The following VRK2 variants were observed in gnomAD, a reference collection of about 807,000 sequenced individuals.
VRK2 encodes the protein VRK serine/threonine kinase 2.
Under a neutral mutation model 57.6 loss-of-function variants are expected in VRK2, and 60 were observed. The observed-to-expected ratio is 1.04, with a 90% CI of 0.85 to 1.29. The LOEUF (loss-of-function observed/expected upper bound fraction) is 1.29, where lower values mean the gene tolerates loss of function less well. VRK2 is among the 50% of genes most tolerant of loss of function. VRK2 has a pLI of 0.00. For missense variants in VRK2, 705 were observed against 588.1 expected (o/e 1.20, Z -2.06); for synonymous variants, 231 against 199.2 (o/e 1.16, Z -1.35).
chr2:58,078,926 G>A (rs554349278), intron 2 of VRK2, among the ~76,000 whole-genome samples: 5 of 152,156 alleles, frequency 3.3e-5, no homozygotes, highest in East Asian at 3.9e-4. Context: ...TGCCTGCCTC[G>A]GCCTCCCAAG....
intron 1 of VRK2, among the ~76,000 whole-genome samples, chr2:57,952,971 C>T (rs989778068): frequency 6.6e-5 from 10 of 152,084 alleles, no homozygotes; most frequent in Admixed American, 1.3e-4. Context: ...CGTCAGATGT[C>T]GTGGGATGAT....
chr2:57,935,329 G>C (rs2103942431), intron 1 of VRK2, among the ~76,000 whole-genome samples: 1 of 152,178 alleles, frequency 6.6e-6, no homozygotes, highest in Middle Eastern at 3.4e-3. Flanking sequence ...GGTGGGGTGT[G>C]GGGGAATTCT....
At chr2:58,009,817 A>C (rs1198584809) in intron 1 of VRK2, among the ~76,000 whole-genome samples, 1 of 152,060 alleles carries the variant, frequency 6.6e-6, no homozygotes, top group African/African-American at 2.4e-5. Flanking sequence ...CTTTACTTAC[A>C]TGAGAGCATA....
intron 2 of VRK2, among the ~76,000 whole-genome samples, chr2:58,067,242 T>G (rs1196604626): frequency 1.3e-5 from 2 of 152,194 alleles, no homozygotes; most frequent in Admixed American, 1.3e-4. Context: ...TTTGAGGTTT[T>G]GGGACTCAGA....
At chr2:58,005,719 G>C (rs1673222068) in intron 1 of VRK2, among the ~76,000 whole-genome samples, 1 of 152,086 alleles carries the variant, frequency 6.6e-6, no homozygotes, top group Admixed American at 6.6e-5. Context: ...CACTTTGGTA[G>C]GGTGTCTACT....
rs1453771507 is a variant in VRK2 at position 58,135,159 on chromosome 2, C to A, written c.816C>A (p.Pro272=). Residue 272 remains proline (P), a synonymous_variant, in exon 10 of 13, where the codon CCC becomes CCA. Transcript: ENST00000340157. Reference sequence around the variant, plus strand: ...GTTTTAGTCTGTTGGACGAGCTCCCCCAGTCAGTGCTTAAATGGGCTCCTT... The same window carrying A: ...GTTTTAGTCTGTTGGACGAGCTCCCACAGTCAGTGCTTAAATGGGCTCCTT... ...TAKTNLLDEL[P]QSVLKWAPSG... 3 of 1,614,110 alleles carry A rather than the reference C, an allele frequency of 1.9e-6. No individual in the cohort carries two copies. The highest frequency in any genetic ancestry group is 4.5e-5 in the East Asian group (2 of 44,874).
At position 57,958,427 on chromosome 2, in the gene VRK2, G is replaced by GTATATATATTTGTGTA. The variant is rs1553367227; in HGVS notation, c.-439+50594_-439+50595insTATTTGTGTATATATA. Among the ~76,000 whole-genome samples, 32 of 149,930 alleles carry GTATATATATTTGTGTA rather than the reference G, an allele frequency of 2.1e-4. No individual in the cohort carries two copies. In the East Asian group the frequency reaches 5.9e-3, roughly 27 times the overall value. On this transcript the variant is annotated intron_variant, in intron 1 of 15. Transcript: ENST00000417641. ...TGTGTGTATGTGTGTGTGTGTGTGT[G>GTATATATATTTGTGTA]TATATACATGTATATATATTTGTAT...
At chr2:58,009,909 G>T (rs138784591) in intron 1 of VRK2, among the ~76,000 whole-genome samples, 340 of 152,064 alleles carry the variant, frequency 2.2e-3, no homozygotes, top group African/African-American at 7.9e-3. Context: ...CCTATAGGTT[G>T]TAAATTGACA....
chr2:58,045,916 T>C (rs1165656429), upstream of VRK2, among the ~76,000 whole-genome samples: 1 of 152,200 alleles, frequency 6.6e-6, no homozygotes, highest in East Asian at 1.9e-4. Flanking sequence ...CGCTCTCTGC[T>C]CACTGCAATC....
chr2:57,982,428 C>A (rs1371644070), intron 1 of VRK2, among the ~76,000 whole-genome samples: 1 of 152,210 alleles, frequency 6.6e-6, no homozygotes, highest in Non-Finnish European at 1.5e-5. Context: ...ACCAAAGTGA[C>A]TGAAGCAGGC....
Position 58,156,579 on chromosome 2 carries a change from G to GGTTTT in VRK2, c.1183-2770_1183-2769insGTTTT, listed in dbSNP as rs1271440208. 9.2e-4 allele frequency among the ~76,000 whole-genome samples: 128 copies of GGTTTT among 139,212 alleles called. 1 individual carries two copies. The highest frequency in any genetic ancestry group is 4.0e-3 in the African/African-American group (119 of 29,396). The allele number at this position is 139,212 out of a possible 152,430, so 91.3% of individuals were successfully genotyped here. A position where few individuals can be genotyped will look rare whatever the true frequency, so the allele number is the denominator to read the frequency against. ...GCTGTACCTCAGGTTGGGTGGTGGT[G>GGTTTT]TTTTTTTTGTTTTGTTTTGTTTTGT... is the stretch of plus-strand genomic sequence containing the variant. On this transcript the variant is annotated intron_variant, in intron 12 of 12. Transcript: ENST00000340157.
intron 2 of VRK2, among the ~76,000 whole-genome samples, chr2:58,072,181 T>C (rs571974060): frequency 6.6e-6 from 1 of 152,116 alleles, no homozygotes; most frequent in Admixed American, 6.6e-5. Context: ...TTGATTCTTC[T>C]GGATTTTCAA....
At chr2:58,047,180 T>C (rs374137618) in intron 1 of VRK2, 74 of 280,778 alleles carry the variant, frequency 2.6e-4, no homozygotes, top group African/African-American at 1.3e-3. Context: ...TGGCGGGAAG[T>C]TGGGGCGCGG....
chr2:58,046,897 G>A (rs867746236), intron 1 of VRK2, 29 bp downstream of exon 1: 1 of 985,392 alleles, frequency 1.0e-6, no homozygotes, highest in Non-Finnish European at 1.2e-6. Flanking sequence ...GGTCTTGGGT[G>A]GCGGGCGGCA....
intron 5 of VRK2, among the ~76,000 whole-genome samples, chr2:58,087,123 A>T (rs1285759359): frequency 6.6e-6 from 1 of 152,172 alleles, no homozygotes; most frequent in African/African-American, 2.4e-5. Flanking sequence ...AAAGTGTGTC[A>T]TTTTATATTT....
intron 7 of VRK2, among the ~76,000 whole-genome samples, chr2:58,121,324 A>G (rs1236696530): frequency 6.6e-6 from 1 of 152,092 alleles, no homozygotes; most frequent in Non-Finnish European, 1.5e-5. Flanking sequence ...ATACAATTCC[A>G]TTTGTGTAAT....
intron 1 of VRK2, among the ~76,000 whole-genome samples, chr2:58,006,213 G>T (rs529262665): frequency 6.6e-6 from 1 of 152,304 alleles, no homozygotes; most frequent in Admixed American, 6.5e-5. Context: ...GGCAAATAAT[G>T]TTGGATCAGG....
At chr2:58,122,463 G>C (rs994324269) in intron 7 of VRK2, among the ~76,000 whole-genome samples, 5 of 152,110 alleles carry the variant, frequency 3.3e-5, no homozygotes, top group Non-Finnish European at 5.9e-5. Flanking sequence ...GTAAGCTAAA[G>C]AAAAGAAAAT....
chr2:58,021,017 T>G (rs1296361719), intron 1 of VRK2, among the ~76,000 whole-genome samples: 1 of 152,176 alleles, frequency 6.6e-6, no homozygotes, highest in East Asian at 1.9e-4. Flanking sequence ...ATGTTAAAAT[T>G]GGTTTTTAAA....
Sources: gnomAD v4.1 joint callset for allele counts (sites outside exome capture counted in the v4.1 genomes callset) on GRCh38, gnomAD v4.1.1 for gene constraint, MANE v1.5 for transcripts, NCBI Gene and HGNC (gene_info 2026-07-23, HGNC 2026-07-21) for gene names.